PAK5: variants seen among roughly 807,000 people sequenced by gnomAD.
PAK5 encodes the protein serine/threonine-protein kinase PAK 5.
A neutral mutation model predicts 65.9 loss-of-function variants in PAK5; 16 were observed. The observed-to-expected ratio is 0.24, with a 90% confidence interval of 0.16 to 0.37. PAK5 has a LOEUF of 0.37. Among genes scored for constraint, PAK5 ranks in the 10% least tolerant of loss-of-function variants. The pLI, the probability that PAK5 is intolerant of heterozygous loss-of-function variation, is 1.00. For synonymous variants in PAK5, 371 were observed against 354.9 expected (o/e 1.05, Z -0.51); for missense variants, 785 against 903.9 (o/e 0.87, Z 1.69).
chr20:9,711,503 T>A (rs377349096), intron 1 of PAK5, 68 bp from the exon 2 acceptor site: 1 of 152,168 alleles, frequency 6.6e-6, no homozygotes, highest in African/African-American at 2.4e-5. Flanking sequence ...AAAATAAACA[T>A]ATAGCCACAT....
chr20:9,590,615 G>A (rs1163566533), intron 3 of PAK5, among the ~76,000 whole-genome samples: 1 of 119,508 alleles, frequency 8.4e-6, no homozygotes, highest in Non-Finnish European at 1.6e-5. Flanking sequence ...TTCATGGGCT[G>A]TGCCAAAAAA....
chr20:9,683,697 C>T (rs2047679852), intron 2 of PAK5, among the ~76,000 whole-genome samples: 2 of 152,214 alleles, frequency 1.3e-5, no homozygotes, highest in African/African-American at 4.8e-5. Flanking sequence ...CTTTCCTTTT[C>T]CATTCCTGTT....
chr20:9,565,908 T>C lies in PAK5; in HGVS notation c.1467A>G (p.Glu489=). Residue 489 remains glutamate, a synonymous_variant, in exon 5 of 10, where the codon GAA becomes GAG. Coordinates refer to ENST00000353224, the MANE Select transcript of PAK5 (RefSeq NM_177990.4). ...CACTCTTTACCTCATTGAAAAGCAG[T>C]TCTCGTCTCTGTTGCTTCCGGAGGT... The part of the protein sequence containing the change: ...KMDLRKQQRR[E]LLFNEVVIMR... 1 of 1,613,078 alleles carries C rather than the reference T, an allele frequency of 6.2e-7. No homozygotes were observed. The highest frequency in any genetic ancestry group is 8.5e-7 in the Non-Finnish European group (1 of 1,179,268).
chr20:9,644,736 G>A (rs71334860), intron 2 of PAK5, among the ~76,000 whole-genome samples: 1 of 152,192 alleles, frequency 6.6e-6, no homozygotes, highest in East Asian at 1.9e-4. Flanking sequence ...CCTCAGCCTA[G>A]GTCTTGGAAG....
At chr20:9,739,534 G>A (rs2048427989) in intron 1 of PAK5, among the ~76,000 whole-genome samples, 1 of 151,990 alleles carries the variant, frequency 6.6e-6, no homozygotes, top group African/African-American at 2.4e-5. Flanking sequence ...ACCTGCCCAA[G>A]GGACAGTGCC....
At chr20:9,645,217 A>G (rs754215892) in intron 2 of PAK5, among the ~76,000 whole-genome samples, 1 of 144,648 alleles carries the variant, frequency 6.9e-6, no homozygotes, top group Non-Finnish European at 1.5e-5. Flanking sequence ...TGTATATTAT[A>G]TTTACAATTT....
At chr20:9,737,791 T>C (rs886636416) in intron 1 of PAK5, among the ~76,000 whole-genome samples, 4 of 152,214 alleles carry the variant, frequency 2.6e-5, no homozygotes, top group African/African-American at 4.8e-5. Context: ...TATCACTGTG[T>C]TCTTATTAGA....
At chr20:9,565,280 A>C (rs1337890640) in intron 5 of PAK5, among the ~76,000 whole-genome samples, 1 of 152,226 alleles carries the variant, frequency 6.6e-6, no homozygotes, top group Non-Finnish European at 1.5e-5. Context: ...ATATTAATGT[A>C]GGCTATTCCT....
chr20:9,574,237 G>A (rs1445639830), intron 4 of PAK5, among the ~76,000 whole-genome samples: 1 of 152,184 alleles, frequency 6.6e-6, no homozygotes, highest in Non-Finnish European at 1.5e-5. Flanking sequence ...CACACTGAGA[G>A]TTGGACAAGT....
intron 4 of PAK5, chr20:9,575,632 G>A (rs566256116): frequency 1.3e-5 from 2 of 152,246 alleles, no homozygotes; most frequent in South Asian, 4.1e-4. Context: ...GTGACATTAA[G>A]GAACTTCTCA....
Position 9,644,276 on chromosome 20 carries a change from T to A in PAK5, c.53A>T (p.Glu18Val), listed in dbSNP as rs772012149. 1 of 1,606,604 alleles carries A rather than the reference T, an allele frequency of 6.2e-7. No individual in the cohort carries two copies. The highest frequency in any genetic ancestry group is 8.5e-7 in the Non-Finnish European group (1 of 1,177,876). Residue 18 changes from glutamate to valine, a missense_variant, in exon 3 of 10, where the codon GAA becomes GTA. By Grantham distance (121) the Glu-to-Val change is moderately radical (BLOSUM62 -2). This residue lies in a region of PAK5 where 71 missense variants were observed against 110.2 expected (regional missense o/e 0.64). Coordinates refer to ENST00000353224, the MANE Select transcript of PAK5 (RefSeq NM_177990.4). ...ATCAAACCCAGTATGAACCCTGTGT[T>A]CAAAGTTGGACGGGCCAGATATTTC... ...KIEISGPSNFEHRVHTGFDPQ... is the reference protein window; with the variant it reads ...KIEISGPSNFVHRVHTGFDPQ...
At chr20:9,606,922 G>A (rs2046465730) in intron 3 of PAK5, among the ~76,000 whole-genome samples, 1 of 152,142 alleles carries the variant, frequency 6.6e-6, no homozygotes, top group South Asian at 2.1e-4. Context: ...GAGACACCAA[G>A]AGATAATTTC....
At chr20:9,574,331 A>T (rs961119656) in intron 4 of PAK5, among the ~76,000 whole-genome samples, 4 of 152,202 alleles carry the variant, frequency 2.6e-5, no homozygotes, top group Admixed American at 6.5e-5. Flanking sequence ...GCATACGGGT[A>T]TTCCAGGCTC....
chr20:9,732,459 A>T (rs956496), intron 1 of PAK5, among the ~76,000 whole-genome samples: 1 of 151,984 alleles, frequency 6.6e-6, no homozygotes, highest in Non-Finnish European at 1.5e-5. Context: ...ACAAAGTAGA[A>T]AAAAAATCAC....
At chr20:9,628,119 CA>C (rs1440900284) in intron 3 of PAK5, among the ~76,000 whole-genome samples, 2 of 152,254 alleles carry the variant, frequency 1.3e-5, no homozygotes, top group Non-Finnish European at 2.9e-5. Flanking sequence ...ATACTTTGTA[CA>C]TGTGACCATT....
chr20:9,824,175 A>G (rs1240700864), intron 1 of PAK5, among the ~76,000 whole-genome samples: 2 of 152,250 alleles, frequency 1.3e-5, no homozygotes, highest in Admixed American at 6.5e-5. Context: ...CCATAATTCC[A>G]TACTTTTTAA....
At chr20:9,666,285 C>T (rs2047416193) in intron 2 of PAK5, among the ~76,000 whole-genome samples, 1 of 151,828 alleles carries the variant, frequency 6.6e-6, no homozygotes, top group African/African-American at 2.4e-5. Context: ...GATATAGCCT[C>T]CTGACTGCCC....
At chr20:9,745,824 C>T (rs1163724857) in intron 1 of PAK5, among the ~76,000 whole-genome samples, 1 of 151,518 alleles carries the variant, frequency 6.6e-6, no homozygotes, top group South Asian at 2.1e-4. Flanking sequence ...TCCTCTAAAT[C>T]TGAAAAGAAA....
rs1205730758 is a variant in PAK5 at position 9,557,681 on chromosome 20, G to A, written c.1670C>T (p.Ser557Phe). 6.2e-7 allele frequency: 1 copy of A among 1,611,430 alleles called. No individual in the cohort carries two copies. Among genetic ancestry groups the A allele is most frequent in the East Asian group, 2.2e-5 (1 of 44,848 alleles). Residue 557 changes from serine to phenylalanine, a missense_variant, in exon 7 of 10, where the codon TCC becomes TTC. By Grantham distance (155) the Ser-to-Phe change is radical. This residue lies in a region of PAK5 where 182 missense variants were observed against 273.0 expected (regional missense o/e 0.67). Coordinates refer to ENST00000353224, the MANE Select transcript of PAK5 (RefSeq NM_177990.4). ...AATCACTCCTTGGTTATGAAGGTAG[G>A]AGAGAGCTCTCAGAACTGACAGGCA... ...TVCLSVLRAL[S>F]YLHNQGVIHR...
Sources: allele counts gnomAD v4.1 joint callset (sites outside exome capture counted in the v4.1 genomes callset), GRCh38; gene constraint gnomAD v4.1.1; regional missense constraint gnomAD v4.1.1; transcripts MANE v1.5; gene names NCBI Gene and HGNC (gene_info 2026-07-23, HGNC 2026-07-21).